LCNL1: variants seen among roughly 807,000 people sequenced by gnomAD.
The protein encoded by LCNL1 is lipocalin-like 1 protein.
In LCNL1, 11 loss-of-function variants were observed where a neutral mutation model predicts 7.9. The observed-to-expected ratio is 1.40, with a 90% CI of 0.88 to 2.32. LCNL1 has a LOEUF of 2.32. Among genes scored for constraint, LCNL1 ranks in the 30% most tolerant of loss-of-function variants. LCNL1 has a pLI of 0.00. For missense variants in LCNL1, 218 were observed against 217.0 expected, an observed-to-expected ratio of 1.00 and a Z score of -0.03; for synonymous variants, 90 against 92.5, an observed-to-expected ratio of 0.97 and a Z score of 0.15.
chr9:136,984,096 G>A, intron 1 of LCNL1: 1 of 401,762 alleles, frequency 2.5e-6, no homozygotes, highest in Non-Finnish European at 4.5e-6. Context: ...GCGTCTGTGT[G>A]TCTGTGTGTC....
Position 136,984,719 on chromosome 9 carries a change from C to A in LCNL1, c.203C>A (p.Ala68Asp). Residue 68 changes from alanine to aspartate, a missense_variant, in exon 3 of 3, where the codon GCC becomes GAC. Physicochemically the swap from Ala to Asp is moderately radical, Grantham distance 126 (BLOSUM62 -2). Transcript: ENST00000408973. ...VPGQFSNPAM[A>D]LSDIRVAFSD... ...GCGGCTCTCGCTCCTCCAGCCATGGCCCTGAGTGACATCCGAGTGGCCTTC... is the reference window on the plus strand; with the variant it reads ...GCGGCTCTCGCTCCTCCAGCCATGGACCTGAGTGACATCCGAGTGGCCTTC... 1 of 1,530,562 alleles carries A rather than the reference C, an allele frequency of 6.5e-7. No individual in the cohort carries two copies. Among genetic ancestry groups the A allele is most frequent in the Non-Finnish European group, 8.8e-7 (1 of 1,134,424 alleles). 94.8% of individuals were successfully genotyped at this position (1,530,562 alleles called of 1,614,324 possible).
In LCNL1 at chr9:136,984,942, G is replaced by A. The variant is rs1830482734; in HGVS notation, c.426G>A (p.Leu142=). ...AEGGTAGSWC[L]WPRVPAPPCP... The stretch of plus-strand genomic sequence containing the variant: ...GTGGAACCGCTGGCTCCTGGTGTCT[G>A]TGGCCGCGGGTCCCGGCCCCTCCCT... Residue 142 remains leucine (L), a synonymous_variant, in exon 3 of 3, where the codon CTG becomes CTA. Coordinates refer to ENST00000408973, the MANE Select transcript of LCNL1 (RefSeq NM_207510.4). The A allele has an allele frequency of 1.9e-6, 3 of 1,548,034 alleles. No individual in the cohort carries two copies. Among genetic ancestry groups the A allele is most frequent in the Non-Finnish European group, 1.7e-6 (2 of 1,147,614 alleles).
Position 136,984,854 on chromosome 9 carries a change from A to G in LCNL1, c.338A>G (p.His113Arg). 6.4e-7 allele frequency: 1 copy of G among 1,561,110 alleles called. No individual in the cohort carries two copies. Among genetic ancestry groups the G allele is most frequent in the African/African-American group, 1.4e-5 (1 of 73,558 alleles). Reference protein sequence around the residue: ...GGRAAGRRPRHPRFGSGMSPL... With the variant: ...GGRAAGRRPRRPRFGSGMSPL... ...CGGGCTGCGGGGCGGAGACCCAGAC[A>G]CCCCCGCTTCGGGTCTGGGATGTCA... is the stretch of plus-strand genomic sequence containing the variant. The change falls in exon 3 of 3, where the codon CAC becomes CGC. Residue 113 changes from histidine to arginine, a missense_variant. Coordinates refer to ENST00000408973, the MANE Select transcript of LCNL1 (RefSeq NM_207510.4).
chr9:136,983,558 T>G lies in LCNL1; in HGVS notation c.-29T>G. On this transcript the variant is annotated 5_prime_UTR_variant, in exon 1 of 3. Transcript: ENST00000408973. ...GGCGGCCTCCCAGCCTTCCCTGCAC[T>G]TGCCCTGCAGTTCCAGGGCACCTGG... The G allele has an allele frequency of 6.2e-7, 1 of 1,608,774 alleles. No individual in the cohort carries two copies. Among genetic ancestry groups the G allele is most frequent in the Non-Finnish European group, 8.5e-7 (1 of 1,175,814 alleles).
chr9:136,984,463 CA>C, intron 1 of LCNL1, 26 bp from the exon 2 acceptor site: 8 of 1,533,416 alleles, frequency 5.2e-6, no homozygotes, highest in Non-Finnish European at 7.0e-6. Context: ...GGTGGCCACT[CA>C]GGGGATTGGG....
In LCNL1 at chr9:136,984,983, T is replaced by C. The variant is rs778845970; in HGVS notation, c.467T>C (p.Leu156Pro). Residue 156 changes from leucine to proline, a missense_variant, in exon 3 of 3, where the codon CTC becomes CCC. Physicochemically the swap from Leu to Pro is moderately conservative, Grantham distance 98. Coordinates refer to ENST00000408973, the MANE Select transcript of LCNL1 (RefSeq NM_207510.4). ...GCCCCTCCCTGCCCCTCTCTCCCTC[T>C]CTTCGCCCCTCCAGCCCCTTCCCTT... Reference protein sequence around the residue: ...VPAPPCPSLPLFAPPAPSL With the variant: ...VPAPPCPSLPPFAPPAPSL 9.8e-6 allele frequency: 15 copies of C among 1,532,450 alleles called. No homozygotes were observed. In the South Asian group the frequency reaches 1.7e-4, roughly 17 times the overall value. The allele number at this position is 1,532,450 out of a possible 1,614,324, so 94.9% of individuals were successfully genotyped here.
At position 136,983,420 on chromosome 9, in the gene LCNL1, G is replaced by GC. The variant is rs1830463687; in HGVS notation, c.-161dup. ...GGGGGCCAGTTGCTCATGTACTGAG[G>GC]CCCCCCTCCCTCAGTTCTGCATCGG... On this transcript the variant is annotated 5_prime_UTR_variant, in exon 1 of 3. Coordinates refer to ENST00000408973, the MANE Select transcript of LCNL1 (RefSeq NM_207510.4). 2 of 774,782 alleles carry GC rather than the reference G, an allele frequency of 2.6e-6. No homozygotes were observed. The highest frequency in any genetic ancestry group is 1.7e-5 in the African/African-American group (1 of 58,250). 48.0% of individuals were successfully genotyped at this position (774,782 alleles called of 1,614,324 possible). A position where few individuals can be genotyped will look rare whatever the true frequency, so the allele number is the denominator to read the frequency against.
At chr9:136,984,298 G>C (rs577355133) in intron 1 of LCNL1, 192 bp from the exon 2 acceptor site, 50 of 537,984 alleles carry the variant, frequency 9.3e-5, no homozygotes, top group Non-Finnish European at 1.5e-4. Flanking sequence ...GTGTGCCTGT[G>C]AACAGGTACT....
chr9:136,984,210 TGTGTGC>T, intron 1 of LCNL1: 1 of 480,388 alleles, frequency 2.1e-6, no homozygotes, highest in Non-Finnish European at 3.7e-6. Flanking sequence ...TATCTCCGTG[TGTGTGC>T]ATGTGTGTAT....
chr9:136,983,397 G>C lies in LCNL1; in HGVS notation c.-190G>C. ...AGACAGGCCGGTGCTGGGCTGGTGG[G>C]GGCCAGTTGCTCATGTACTGAGGCC... On this transcript the variant is annotated 5_prime_UTR_variant, in exon 1 of 3. Coordinates refer to ENST00000408973, the MANE Select transcript of LCNL1 (RefSeq NM_207510.4). 4.7e-6 allele frequency: 3 copies of C among 637,508 alleles called. No homozygotes were observed. The highest frequency in any genetic ancestry group is 8.3e-6 in the Non-Finnish European group (3 of 363,476). 39.5% of individuals were successfully genotyped at this position (637,508 alleles called of 1,614,324 possible).
At chr9:136,984,021 C>A in intron 1 of LCNL1, 1 of 427,400 alleles carries the variant, frequency 2.3e-6, no homozygotes, top group Admixed American at 3.7e-5. Flanking sequence ...TCTGTGTGTG[C>A]GTGTGTATGC....
In LCNL1 at chr9:136,985,093, A is replaced by G; in HGVS notation, c.*82A>G. 3 of 1,334,290 alleles carry G rather than the reference A, an allele frequency of 2.2e-6. No homozygotes were observed. Among genetic ancestry groups the G allele is most frequent in the Non-Finnish European group, 3.0e-6 (3 of 995,842 alleles). The allele number at this position is 1,334,290 out of a possible 1,614,324, so 82.7% of individuals were successfully genotyped here. ...CAGAAGATGCAGCTACTGGCGCCCC[A>G]AGTGGGCCTGAGCCCCAGCCAGGGC... On this transcript the variant is annotated 3_prime_UTR_variant, in exon 3 of 3. Transcript: ENST00000408973.
At chr9:136,984,124 C>A in intron 1 of LCNL1, 1 of 403,810 alleles carries the variant, frequency 2.5e-6, no homozygotes, top group Non-Finnish European at 4.5e-6. Context: ...CTGTGTCTGG[C>A]TGTGTGTGTC....
intron 1 of LCNL1, chr9:136,984,182 T>C: frequency 2.2e-6 from 1 of 451,648 alleles, no homozygotes; most frequent in Non-Finnish European, 4.0e-6. Flanking sequence ...TGTCTGTCAG[T>C]GTGTCTGTGT....
In LCNL1 at chr9:136,983,702, A is replaced by G. The variant is rs757872696; in HGVS notation, c.116A>G (p.Tyr39Cys). The change falls in exon 1 of 3, where the codon TAC (tyrosine) becomes TGC (cysteine). Residue 39 changes from tyrosine to cysteine, a missense_variant. By Grantham distance (194) the Tyr-to-Cys change is radical. Coordinates refer to ENST00000408973, the MANE Select transcript of LCNL1 (RefSeq NM_207510.4). ...GGTGACCTGGCCCTCAAGTTTGGAT[A>G]CCCCACGTAAGTGACCACACGAGCC... is the stretch of plus-strand genomic sequence containing the variant. Reference protein sequence around the residue: ...GNGDLALKFGYPTPHGGCQKM... With the variant: ...GNGDLALKFGCPTPHGGCQKM... 3 of 1,613,590 alleles carry G rather than the reference A, an allele frequency of 1.9e-6. No individual in the cohort carries two copies. The highest frequency in any genetic ancestry group is 2.2e-5 in the South Asian group (2 of 91,064).
rs751332350 is a variant in LCNL1 at position 136,983,593 on chromosome 9, G to A, written c.7G>A (p.Gly3Arg). The A allele has an allele frequency of 1.4e-5, 22 of 1,613,534 alleles. No homozygotes were observed. The highest frequency in any genetic ancestry group is 2.7e-5 in the African/African-American group (2 of 75,030). Residue 3 changes from glycine to arginine, a missense_variant, in exon 1 of 3, where the codon GGG (glycine) becomes AGG (arginine). Gly to Arg is a moderately radical substitution (Grantham distance 125). Coordinates refer to ENST00000408973, the MANE Select transcript of LCNL1 (RefSeq NM_207510.4). Reference protein sequence around the residue: MVGVVSDDQDFLD... With the variant: MVRVVSDDQDFLD... ...GTTCCAGGGCACCTGGTACATGGTC[G>A]GGGTGGTGTCAGATGACCAGGACTT...
At position 136,984,929 on chromosome 9, in the gene LCNL1, G is replaced by T. The variant is rs1415282538; in HGVS notation, c.413G>T (p.Gly138Val). 6 of 1,553,358 alleles carry T rather than the reference G, an allele frequency of 3.9e-6. No homozygotes were observed. Among genetic ancestry groups the T allele is most frequent in the Non-Finnish European group, 1.7e-6 (2 of 1,148,744 alleles). ...PFLHAEGGTA[G>V]SWCLWPRVPA... ...CTGCACGCGGAAGGTGGAACCGCTG[G>T]CTCCTGGTGTCTGTGGCCGCGGGTC... is the stretch of plus-strand genomic sequence containing the variant. The change falls in exon 3 of 3, where the codon GGC becomes GTC. Residue 138 changes from glycine (G) to valine (V), a missense_variant. Gly to Val is a moderately radical substitution (Grantham distance 109, BLOSUM62 -3). Coordinates refer to ENST00000408973, the MANE Select transcript of LCNL1 (RefSeq NM_207510.4).
Position 136,984,945 on chromosome 9 carries a change from G to A in LCNL1, c.429G>A (p.Trp143Ter), listed in dbSNP as rs1271920848. 1.6e-5 allele frequency: 25 copies of A among 1,546,870 alleles called. No homozygotes were observed. The highest frequency in any genetic ancestry group is 2.2e-5 in the Non-Finnish European group (25 of 1,147,580). The change falls in exon 3 of 3, where the codon TGG becomes TGA. Residue 143 changes from tryptophan (W) to a stop codon, truncating the protein, a stop_gained. Transcript: ENST00000408973. LOFTEE classifies it low-confidence loss of function (END_TRUNC). ...GAACCGCTGGCTCCTGGTGTCTGTG[G>A]CCGCGGGTCCCGGCCCCTCCCTGCC... ...EGGTAGSWCL[W>*]PRVPAPPCPS...
In LCNL1 at chr9:136,984,837, G is replaced by A. The variant is rs373443378; in HGVS notation, c.321G>A (p.Ala107=). 1.8e-5 allele frequency: 28 copies of A among 1,568,124 alleles called. No individual in the cohort carries two copies. Among genetic ancestry groups the A allele is most frequent in the East Asian group, 9.3e-5 (4 of 42,800 alleles). ...QWLQLYGGRA[A]GRRPRHPRFG... ...TGCAGCTCTACGGTGGGCGGGCTGC[G>A]GGGCGGAGACCCAGACACCCCCGCT... Residue 107 remains alanine (A), a synonymous_variant, in exon 3 of 3, where the codon GCG becomes GCA. Coordinates refer to ENST00000408973, the MANE Select transcript of LCNL1 (RefSeq NM_207510.4).
Sources: allele counts gnomAD v4.1 joint callset, GRCh38; gene constraint gnomAD v4.1.1; transcripts MANE v1.5; gene names NCBI Gene and HGNC (gene_info 2026-07-23, HGNC 2026-07-21).